The following CDKAL1 variants were observed in gnomAD, a reference collection of about 807,000 sequenced individuals.
CDKAL1 encodes the protein threonylcarbamoyladenosine tRNA methylthiotransferase.
In CDKAL1, 32 loss-of-function variants were observed where a neutral mutation model predicts 68.2. The observed-to-expected ratio is 0.47, with a 90% CI of 0.35 to 0.63. CDKAL1 has a LOEUF of 0.63. CDKAL1 is among the 30% of genes least tolerant of loss of function. CDKAL1 has a pLI of 0.00. For missense variants in CDKAL1, 606 were observed against 696.7 expected (o/e 0.87, Z 1.47); for synonymous variants, 234 against 244.3 (o/e 0.96, Z 0.39).
chr6:20,924,863 C>G (rs1561888664), intron 9 of CDKAL1, among the ~76,000 whole-genome samples: 3 of 152,204 alleles, frequency 2.0e-5, no homozygotes, highest in African/African-American at 7.2e-5. Flanking sequence ...ATGAAACAGC[C>G]TTCTATTGAG....
chr6:20,802,920 A>G (rs2150408775), intron 8 of CDKAL1, among the ~76,000 whole-genome samples: 1 of 152,304 alleles, frequency 6.6e-6, no homozygotes, highest in South Asian at 2.1e-4. Context: ...AGGAAAGAAC[A>G]TGCATTTTTA....
At chr6:20,799,039 A>ATTTTTTT (rs1776241521) in intron 8 of CDKAL1, among the ~76,000 whole-genome samples, 2 of 26,262 alleles carry the variant, frequency 7.6e-5, no homozygotes, top group African/African-American at 1.1e-4. Flanking sequence ...AAAAGAACTG[A>ATTTTTTT]GTTTTTTTTT....
intron 4 of CDKAL1, among the ~76,000 whole-genome samples, chr6:20,594,327 C>G (rs1765723974): frequency 6.6e-6 from 1 of 152,134 alleles, no homozygotes; most frequent in Non-Finnish European, 1.5e-5. Flanking sequence ...CTTTATAGGT[C>G]TCTAAGAACT....
chr6:20,959,699 T>C (rs1214376926), intron 10 of CDKAL1, among the ~76,000 whole-genome samples: 1 of 152,238 alleles, frequency 6.6e-6, no homozygotes, highest in East Asian at 1.9e-4. Context: ...ATCGCCCCTG[T>C]AGTGGCAAAT....
chr6:20,867,232 A>G (rs927497551), intron 9 of CDKAL1, among the ~76,000 whole-genome samples: 1 of 152,168 alleles, frequency 6.6e-6, no homozygotes, highest in Admixed American at 6.5e-5. Flanking sequence ...TTTTAGTTGT[A>G]AATTACCAGA....
chr6:21,101,665 G>A (rs1175544521), intron 12 of CDKAL1, among the ~76,000 whole-genome samples: 1 of 152,054 alleles, frequency 6.6e-6, no homozygotes, highest in Non-Finnish European at 1.5e-5. Flanking sequence ...CTCTCCAAAT[G>A]TCTCACATCT....
intron 15 of CDKAL1, among the ~76,000 whole-genome samples, chr6:21,222,725 G>A (rs1779581776): frequency 6.6e-6 from 1 of 152,120 alleles, no homozygotes; most frequent in African/African-American, 2.4e-5. Context: ...TCAATTCAAG[G>A]AAGGGAGCTG....
chr6:21,093,039 C>T (rs920459018), intron 12 of CDKAL1, among the ~76,000 whole-genome samples: 6 of 151,740 alleles, frequency 4.0e-5, no homozygotes, highest in African/African-American at 1.2e-4. Flanking sequence ...ACAGGGTAAA[C>T]AAAGAAAGGA....
chr6:20,781,113 T>TGCTAATGTA (rs1225873832), intron 7 of CDKAL1, 32 bp from the exon 8 acceptor site: 1 of 1,602,100 alleles, frequency 6.2e-7, no homozygotes, highest in Non-Finnish European at 8.5e-7. Flanking sequence ...GTGTAACTCT[T>TGCTAATGTA]GCTAATGTAT....
chr6:21,232,117 C>T lies in CDKAL1; in HGVS notation c.*1078C>T, dbSNP rs907188793. 1 of 151,680 alleles carries T rather than the reference C, an allele frequency of 6.6e-6. No individual in the cohort carries two copies. The highest frequency in any genetic ancestry group is 1.5e-5 in the Non-Finnish European group (1 of 68,014). 9.4% of individuals were successfully genotyped at this position (151,680 alleles called of 1,614,324 possible). On this transcript the variant is annotated 3_prime_UTR_variant, in exon 16 of 16. Coordinates refer to ENST00000274695, the MANE Select transcript of CDKAL1 (RefSeq NM_017774.3). ...GACCTCCTGGACTCAAGCAGTCCTCCTACCTCAGCCTCCCTAATAGCCAGG... is the reference window on the plus strand; with the variant it reads ...GACCTCCTGGACTCAAGCAGTCCTCTTACCTCAGCCTCCCTAATAGCCAGG...
chr6:20,902,311 T>TCA (rs71658260), intron 9 of CDKAL1, among the ~76,000 whole-genome samples: 1,256 of 8,172 alleles, frequency 0.15, 8 homozygotes, highest in South Asian at 0.21. Flanking sequence ...CGTGGTGGAT[T>TCA]CACACACACA....
intron 13 of CDKAL1, among the ~76,000 whole-genome samples, chr6:21,139,650 A>G (rs1268897638): frequency 1.3e-5 from 2 of 151,900 alleles, no homozygotes; most frequent in African/African-American, 4.8e-5. Flanking sequence ...AGCTAGGACT[A>G]CAGGCACGCA....
At chr6:20,750,750 G>T (rs560582564) in intron 6 of CDKAL1, among the ~76,000 whole-genome samples, 2 of 151,962 alleles carry the variant, frequency 1.3e-5, no homozygotes, top group South Asian at 4.2e-4. Flanking sequence ...GATCACTTGA[G>T]GTCAGGAGTT....
At chr6:20,624,815 T>A (rs1767354966) in intron 4 of CDKAL1, among the ~76,000 whole-genome samples, 1 of 152,056 alleles carries the variant, frequency 6.6e-6, no homozygotes, top group Non-Finnish European at 1.5e-5. Flanking sequence ...GAGGCCAAAT[T>A]TTTGTTTGTT....
chr6:20,966,387 A>G (rs964982795), intron 10 of CDKAL1, among the ~76,000 whole-genome samples: 17 of 152,218 alleles, frequency 1.1e-4, no homozygotes, highest in African/African-American at 3.4e-4. Context: ...TATTGTTATT[A>G]TAGACTCCTA....
At chr6:21,004,289 A>C (rs1383670560) in intron 11 of CDKAL1, among the ~76,000 whole-genome samples, 4 of 152,234 alleles carry the variant, frequency 2.6e-5, no homozygotes, top group Non-Finnish European at 5.9e-5. Flanking sequence ...GTAAGTTTAC[A>C]TATGAGCCAA....
At chr6:21,043,156 A>G (rs2150898344) in intron 11 of CDKAL1, among the ~76,000 whole-genome samples, 1 of 152,312 alleles carries the variant, frequency 6.6e-6, no homozygotes, top group Non-Finnish European at 1.5e-5. Context: ...TTTTGAGGGA[A>G]GGTATAGCAT....
chr6:20,879,035 C>A (rs1440298934), intron 9 of CDKAL1, among the ~76,000 whole-genome samples: 1 of 145,270 alleles, frequency 6.9e-6, no homozygotes, highest in Admixed American at 6.8e-5. Context: ...GCCGAGATCG[C>A]ACCATTGCAC....
At chr6:20,790,799 G>A (rs966467564) in intron 8 of CDKAL1, among the ~76,000 whole-genome samples, 1 of 152,192 alleles carries the variant, frequency 6.6e-6, no homozygotes, top group Non-Finnish European at 1.5e-5. Flanking sequence ...CTGTAGTTGG[G>A]TGGTTTCTCT....
Sources: gnomAD v4.1 joint callset for allele counts (sites outside exome capture counted in the v4.1 genomes callset) on GRCh38, gnomAD v4.1.1 for gene constraint, MANE v1.5 for transcripts, NCBI Gene and HGNC (gene_info 2026-07-23, HGNC 2026-07-21) for gene names.